The following TMEM209 variants were observed in gnomAD, a reference collection of about 807,000 sequenced individuals.
TMEM209 encodes the protein transmembrane protein 209.
In TMEM209, 65 loss-of-function variants were observed where a neutral mutation model predicts 76.2. That is an observed-to-expected ratio of 0.85 (90% CI 0.70 to 1.05). The LOEUF (loss-of-function observed/expected upper bound fraction) is 1.05, where lower values mean the gene tolerates loss of function less well. Among genes scored for constraint, TMEM209 ranks in the 50% least tolerant of loss-of-function variants. The pLI is 0.00. For synonymous variants in TMEM209, 239 were observed against 237.6 expected (o/e 1.01, Z -0.06); for missense variants, 623 against 685.5 (o/e 0.91, Z 1.02).
At chr7:130,194,980 C>T (rs1326640210) in intron 5 of TMEM209, among the ~76,000 whole-genome samples, 2 of 152,034 alleles carry the variant, frequency 1.3e-5, no homozygotes, top group Non-Finnish European at 2.9e-5. Flanking sequence ...TAACATATTA[C>T]ATAATTATAT....
At chr7:130,195,647 T>A (rs1267676434) in intron 5 of TMEM209, among the ~76,000 whole-genome samples, 1 of 151,846 alleles carries the variant, frequency 6.6e-6, no homozygotes, top group African/African-American at 2.4e-5. Context: ...AAAAAAAAGT[T>A]GTTAATTTCT....
At chr7:130,204,514 G>C (rs1030345356) in intron 1 of TMEM209, among the ~76,000 whole-genome samples, 2 of 152,100 alleles carry the variant, frequency 1.3e-5, no homozygotes, top group Admixed American at 1.3e-4. Flanking sequence ...ACTGATTTTT[G>C]TATTTTTAGT....
Position 130,205,387 on chromosome 7 carries a change from G to A in TMEM209, c.-12C>T, listed in dbSNP as rs1254164687. On this transcript the variant is annotated 5_prime_UTR_variant, in exon 1 of 15. Coordinates refer to ENST00000397622, the MANE Select transcript of TMEM209 (RefSeq NM_032842.4). ...CGAAAACGCACCATGTCCTCTGGCCGGAAAACGCAGGCTCGCGCCACTCTC... is the reference window on the plus strand; with the variant it reads ...CGAAAACGCACCATGTCCTCTGGCCAGAAAACGCAGGCTCGCGCCACTCTC... The A allele has an allele frequency of 1.4e-5, 23 of 1,613,648 alleles. No individual in the cohort carries two copies. The East Asian group carries it at 5.1e-4, about 36-fold the overall frequency.
Position 130,181,686 on chromosome 7 carries a change from G to C in TMEM209, c.1057C>G (p.Gln353Glu). The C allele has an allele frequency of 6.2e-7, 1 of 1,611,312 alleles. No individual in the cohort carries two copies. The highest frequency in any genetic ancestry group is 8.5e-7 in the Non-Finnish European group (1 of 1,178,772). ...TGTGTGCTGACAGACTCAATCTCTT[G>C]AACAAGTGGCACTAATATTGTCTCA... ...INETILVPLV[Q>E]EIESVSTQMR... Residue 353 changes from glutamine (Q) to glutamate (E), a missense_variant, in exon 9 of 15, where the codon CAA becomes GAA. Gln to Glu is a conservative substitution (Grantham distance 29, BLOSUM62 2). Transcript: ENST00000397622.
intron 10 of TMEM209, 112 bp downstream of exon 10, chr7:130,178,290 T>C (rs766407755): frequency 4.6e-6 from 5 of 1,092,692 alleles, no homozygotes; most frequent in Non-Finnish European, 6.3e-6. Context: ...TAATACGTAT[T>C]TATAAGACAT....
chr7:130,183,524 A>G (rs1016847320), intron 8 of TMEM209, among the ~76,000 whole-genome samples: 1 of 152,214 alleles, frequency 6.6e-6, no homozygotes, highest in Non-Finnish European at 1.5e-5. Flanking sequence ...GTTCTAGAAG[A>G]TGCAGAGTGG....
intron 13 of TMEM209, among the ~76,000 whole-genome samples, chr7:130,171,310 A>G (rs1011622860): frequency 1.3e-5 from 2 of 152,232 alleles, no homozygotes; most frequent in African/African-American, 4.8e-5. Flanking sequence ...TAGGCAGCAT[A>G]TTGCTAGCTC....
chr7:130,169,661 T>A (rs769762839), intron 14 of TMEM209, among the ~76,000 whole-genome samples: 2 of 152,076 alleles, frequency 1.3e-5, no homozygotes, highest in Non-Finnish European at 1.5e-5. Context: ...ACAAACAGGA[T>A]GCTATCTAAA....
Position 130,180,375 on chromosome 7 carries a change from C to CT in TMEM209, c.1120+1247dup, listed in dbSNP as rs965154542. 2.1e-4 allele frequency among the ~76,000 whole-genome samples: 32 copies of CT among 148,880 alleles called. 1 individual carries two copies. The highest frequency in any genetic ancestry group is 8.7e-4 in the Admixed American group (13 of 14,934). ...GGGTAAAGGAATCAAAAAGACATTT[C>CT]TTTTTTTTTTGAGACAAAGTCTCAA... On this transcript the variant is annotated intron_variant, in intron 9 of 14. Transcript: ENST00000397622.
intron 14 of TMEM209, among the ~76,000 whole-genome samples, chr7:130,170,154 A>G (rs1797022753): frequency 6.6e-6 from 1 of 152,222 alleles, no homozygotes; most frequent in Non-Finnish European, 1.5e-5. Flanking sequence ...CTATCTCTGA[A>G]TTATTCCTCC....
intron 5 of TMEM209, among the ~76,000 whole-genome samples, chr7:130,197,064 C>T (rs1286548449): frequency 6.6e-6 from 1 of 151,930 alleles, no homozygotes; most frequent in African/African-American, 2.4e-5. Flanking sequence ...CCATCTCTAC[C>T]AAAACAAACA....
At chr7:130,182,482 G>A (rs1797456437) in intron 8 of TMEM209, among the ~76,000 whole-genome samples, 1 of 152,110 alleles carries the variant, frequency 6.6e-6, no homozygotes, top group Non-Finnish European at 1.5e-5. Context: ...CTCTCAGCAG[G>A]CTCACCCAAT....
In TMEM209 at chr7:130,202,712, A is replaced by G. The variant is rs1479316354; in HGVS notation, c.200-49T>C. ...AATAAGGGGGGTGAGGAGGGCATCT[A>G]TTGGAGAACACAAAAACCCTCTATA... On this transcript the variant is annotated intron_variant, in intron 3 of 14. Coordinates refer to ENST00000397622, the MANE Select transcript of TMEM209 (RefSeq NM_032842.4). The G allele has an allele frequency of 7.6e-6, 12 of 1,576,146 alleles. No individual in the cohort carries two copies. In the East Asian group the frequency reaches 9.0e-5, roughly 12 times the overall value.
chr7:130,196,622 T>C (rs991079196), intron 5 of TMEM209, among the ~76,000 whole-genome samples: 1 of 152,190 alleles, frequency 6.6e-6, no homozygotes, highest in Middle Eastern at 3.4e-3. Flanking sequence ...GTCATTGGAG[T>C]GGGGCCTTGT....
chr7:130,193,706 C>T (rs1415835924), intron 5 of TMEM209, among the ~76,000 whole-genome samples: 2 of 151,886 alleles, frequency 1.3e-5, no homozygotes, highest in African/African-American at 2.4e-5. Flanking sequence ...AAAAAAAACA[C>T]TGGTTAACAG....
chr7:130,168,366 G>C (rs1562882847), intron 14 of TMEM209, among the ~76,000 whole-genome samples: 1 of 152,116 alleles, frequency 6.6e-6, no homozygotes, highest in Admixed American at 6.6e-5. Context: ...TTTTAGATTA[G>C]GGATGCTCAG....
chr7:130,194,779 C>T (rs1274771476), intron 5 of TMEM209, among the ~76,000 whole-genome samples: 1 of 152,082 alleles, frequency 6.6e-6, no homozygotes, highest in African/African-American at 2.4e-5. Context: ...AATTACTGGT[C>T]ACTTGGATTA....
At position 130,166,524 on chromosome 7, in the gene TMEM209, T is replaced by A. The variant is rs202244307; in HGVS notation, c.1632-19A>T. The stretch of plus-strand genomic sequence containing the variant: ...AACTCTCCTATAAAGAGAAAAAAAA[T>A]TTTTATTAGAATTGGTTGCCAAGCA... On this transcript the variant is annotated intron_variant, in intron 14 of 14. Transcript: ENST00000397622. 5.5e-4 allele frequency: 815 copies of A among 1,480,562 alleles called. 3 individuals carry two copies. In the African/African-American group the frequency reaches 9.4e-3, roughly 17 times the overall value. 91.7% of individuals were successfully genotyped at this position (1,480,562 alleles called of 1,614,324 possible).
At chr7:130,169,379 T>C (rs190840628) in intron 14 of TMEM209, among the ~76,000 whole-genome samples, 145 of 152,308 alleles carry the variant, frequency 9.5e-4, no homozygotes, top group African/African-American at 3.3e-3. Context: ...AATTTTCTAG[T>C]AGATACCTAA....
Sources: gnomAD v4.1 joint callset for allele counts (sites outside exome capture counted in the v4.1 genomes callset) on GRCh38, gnomAD v4.1.1 for gene constraint, MANE v1.5 for transcripts, NCBI Gene and HGNC (gene_info 2026-07-23, HGNC 2026-07-21) for gene names.